RILPL1: variants seen among roughly 807,000 people sequenced by gnomAD.
RILPL1 encodes the protein Rab interacting lysosomal protein like 1.
RILPL1 carries 33 observed loss-of-function variants against 50.3 expected under a neutral mutation model. That is an observed-to-expected ratio of 0.66 (90% confidence interval 0.50 to 0.88). The LOEUF (loss-of-function observed/expected upper bound fraction) is 0.88, where lower values mean the gene tolerates loss of function less well. Ranked by LOEUF, RILPL1 falls within the 40% of genes least tolerant of loss-of-function variation. The pLI, the probability that RILPL1 is intolerant of heterozygous loss-of-function variation, is 0.00. For synonymous variants in RILPL1, 205 were observed against 228.6 expected (o/e 0.90, Z 0.93); for missense variants, 418 against 542.5 (o/e 0.77, Z 2.28).
At position 123,485,825 on chromosome 12, in the gene RILPL1, T is replaced by C. The variant is rs1882295452; in HGVS notation, c.802-20A>G. 3 of 1,583,764 alleles carry C rather than the reference T, an allele frequency of 1.9e-6. No individual in the cohort carries two copies. The highest frequency in any genetic ancestry group is 1.1e-5 in the South Asian group (1 of 88,020). ...CTCCGTCTGGAGGAGGCAGAGATGC[T>C]GCTAATGAATTCTTGGCAGCCACTG... On this transcript the variant is annotated intron_variant, in intron 4 of 6. Coordinates refer to ENST00000376874, the MANE Select transcript of RILPL1 (RefSeq NM_178314.5). The surrounding 1 kb of genome is among the most constrained non-coding windows in gnomAD (Gnocchi z 4.0).
At chr12:123,521,515 ATT>A (rs1227200432) in intron 2 of RILPL1, among the ~76,000 whole-genome samples, 1 of 145,126 alleles carries the variant, frequency 6.9e-6, no homozygotes, top group South Asian at 2.1e-4. Flanking sequence ...GTTTTTATAA[ATT>A]TATATATATA....
chr12:123,511,644 G>C (rs1884230027), intron 2 of RILPL1, among the ~76,000 whole-genome samples: 1 of 146,698 alleles, frequency 6.8e-6, no homozygotes. Context: ...AGGTCTGTGT[G>C]TGTGAGATCT....
intron 6 of RILPL1, chr12:123,475,769 A>G: frequency 6.7e-7 from 1 of 1,490,980 alleles, no homozygotes; most frequent in Non-Finnish European, 9.2e-7. Flanking sequence ...AGAAGTACAG[A>G]TAGACACAGA....
At chr12:123,505,853 G>C (rs573298397) in intron 2 of RILPL1, among the ~76,000 whole-genome samples, 4 of 152,238 alleles carry the variant, frequency 2.6e-5, no homozygotes, top group African/African-American at 9.6e-5. Flanking sequence ...TCAAACTCCT[G>C]GGCTCAAGCG....
intron 2 of RILPL1, among the ~76,000 whole-genome samples, chr12:123,518,215 A>C (rs13303189): frequency 6.6e-6 from 1 of 151,986 alleles, no homozygotes; most frequent in Non-Finnish European, 1.5e-5. Context: ...AAAAATGATT[A>C]AGACAGGGCC....
intron 2 of RILPL1, among the ~76,000 whole-genome samples, chr12:123,512,771 CTGTGTGTGGTGTGTGAGGTTTG>C (rs2139368348): frequency 1.2e-5 from 1 of 83,930 alleles, no homozygotes; most frequent in South Asian, 4.2e-4. Context: ...TGTGTGAGGT[CTGTGTGTGGTGTGTGAGGTTTG>C]TGTGTGTGTG....
intron 1 of RILPL1, among the ~76,000 whole-genome samples, chr12:123,530,417 T>G (rs1593612634): frequency 6.6e-6 from 1 of 152,308 alleles, no homozygotes; most frequent in Middle Eastern, 3.4e-3. Flanking sequence ...CCACCCGCCT[T>G]GGCCCCCCAA....
chr12:123,514,984 G>A (rs1338345705), intron 2 of RILPL1, among the ~76,000 whole-genome samples: 1 of 151,026 alleles, frequency 6.6e-6, no homozygotes, highest in Non-Finnish European at 1.5e-5. Flanking sequence ...AGGCTGGAGT[G>A]CAGTGGTGCA....
At position 123,528,435 on chromosome 12, in the gene RILPL1, T is replaced by TG. The variant is rs1406710571; in HGVS notation, c.309+4738_309+4739insC. Among the ~76,000 whole-genome samples the TG allele has an allele frequency of 1.0e-4, 15 of 150,278 alleles. No individual in the cohort carries two copies. In the South Asian group the frequency reaches 1.0e-3, roughly 11 times the overall value. ...TGTTGATTTTTTTGTTGTTGTTTGT[T>TG]TTTTTTTTTTGAGACGGAGTCTCAC... is the stretch of plus-strand genomic sequence containing the variant. On this transcript the variant is annotated intron_variant, in intron 1 of 6. Transcript: ENST00000376874.
At chr12:123,495,806 G>A (rs1882997048) in intron 4 of RILPL1, among the ~76,000 whole-genome samples, 1 of 146,016 alleles carries the variant, frequency 6.8e-6, no homozygotes, top group African/African-American at 2.5e-5. Context: ...TCAGCCTCCC[G>A]AGTAGCTGGG....
intron 4 of RILPL1, among the ~76,000 whole-genome samples, chr12:123,486,646 TTTTA>T (rs1882353640): frequency 6.6e-6 from 1 of 152,198 alleles, no homozygotes; most frequent in African/African-American, 2.4e-5. Flanking sequence ...ATACTTATTA[TTTTA>T]TTTTTTTCTG....
intron 5 of RILPL1, chr12:123,484,917 G>A (rs973567096): frequency 1.6e-5 from 4 of 254,852 alleles, no homozygotes; most frequent in South Asian, 1.3e-4. Context: ...CCTCGGCCTC[G>A]CAAAGTGCTG....
chr12:123,488,461 A>AAAG lies in RILPL1; in HGVS notation c.802-2659_802-2657dup, dbSNP rs1043320164. Among the ~76,000 whole-genome samples, 10 of 151,520 alleles carry AAAG rather than the reference A, an allele frequency of 6.6e-5. No individual in the cohort carries two copies. In the East Asian group the frequency reaches 1.5e-3, roughly 23 times the overall value. ...CCCTGTCTCAAAAAAAAAAAAAAAA[A>AAAG]AAGAAGAAGAAGAAGAAAAACCCCA... is the stretch of plus-strand genomic sequence containing the variant. On this transcript the variant is annotated intron_variant, in intron 4 of 6. Transcript: ENST00000376874.
At chr12:123,473,014 T>A in intron 6 of RILPL1, 1 of 247,180 alleles carries the variant, frequency 4.0e-6, no homozygotes, top group Non-Finnish European at 8.0e-6. Flanking sequence ...AAATCTTGGG[T>A]TTCTTTAATT....
intron 2 of RILPL1, among the ~76,000 whole-genome samples, chr12:123,503,118 C>T (rs1025161016): frequency 2.7e-5 from 4 of 149,784 alleles, no homozygotes; most frequent in African/African-American, 9.8e-5. Flanking sequence ...GATCTCCTGA[C>T]CTTGTGATCC....
At chr12:123,496,550 C>G (rs1446423612) in intron 4 of RILPL1, among the ~76,000 whole-genome samples, 2 of 152,200 alleles carry the variant, frequency 1.3e-5, no homozygotes, top group Non-Finnish European at 2.9e-5. Context: ...TGGGAGAAAA[C>G]ACAAGCCTGA....
intron 6 of RILPL1, among the ~76,000 whole-genome samples, chr12:123,478,276 C>T (rs1312393087): frequency 2.6e-5 from 4 of 151,994 alleles, no homozygotes; most frequent in South Asian, 4.1e-4. Flanking sequence ...GTTGGGATTA[C>T]AGGCATGAAC....
chr12:123,511,082 C>CTG (rs1374042247), intron 2 of RILPL1, among the ~76,000 whole-genome samples: 2 of 68,848 alleles, frequency 2.9e-5, no homozygotes, highest in African/African-American at 6.1e-5. Context: ...TGTGTGAGGT[C>CTG]TGTGTGTGGT....
Position 123,472,224 on chromosome 12 carries a change from G to T in RILPL1, c.*314C>A. On this transcript the variant is annotated 3_prime_UTR_variant, in exon 7 of 7. Transcript: ENST00000376874. ...ATGATAGTGGCAAGTGATGTATTTG[G>T]CTTAAAGAAGCTTGTGTTACTGAAG... 3.4e-6 allele frequency: 1 copy of T among 298,106 alleles called. No individual in the cohort carries two copies. Among genetic ancestry groups the T allele is most frequent in the South Asian group, 6.6e-5 (1 of 15,044 alleles). The allele number at this position is 298,106 out of a possible 1,614,324, so 18.5% of individuals were successfully genotyped here.
Sources: gnomAD v4.1 joint callset for allele counts (sites outside exome capture counted in the v4.1 genomes callset) on GRCh38, gnomAD v4.1.1 for gene constraint, Gnocchi (gnomAD v3.1) non-coding constraint, MANE v1.5 for transcripts, NCBI Gene and HGNC (gene_info 2026-07-23, HGNC 2026-07-21) for gene names.